Variants in DNAI2 observed in about 807,000 individuals in gnomAD.
DNAI2 encodes the protein dynein, axonemal, intermediate polypeptide 2.
In DNAI2, 63 loss-of-function variants were observed where a neutral mutation model predicts 74.7. The ratio of observed to expected loss-of-function variants is 0.84; its 90% CI spans 0.69 to 1.04. The LOEUF (loss-of-function observed/expected upper bound fraction) is 1.04, where lower values mean the gene tolerates loss of function less well. Among genes scored for constraint, DNAI2 ranks in the 50% least tolerant of loss-of-function variants. DNAI2 has a pLI of 0.00. For missense variants in DNAI2, 688 were observed against 803.2 expected, an observed-to-expected ratio of 0.86 and a Z score of 1.73; for synonymous variants, 289 against 314.9, an observed-to-expected ratio of 0.92 and a Z score of 0.87.
intron 10 of DNAI2, chr17:74,309,724 G>T (rs976467995): frequency 3.2e-6 from 2 of 632,508 alleles, no homozygotes; most frequent in Non-Finnish European, 2.8e-6. Flanking sequence ...TCCCCTTCAT[G>T]TCAGGGTGGC....
chr17:74,288,551 A>C (rs2051889318), intron 4 of DNAI2, among the ~76,000 whole-genome samples: 1 of 152,184 alleles, frequency 6.6e-6, no homozygotes, highest in African/African-American at 2.4e-5. Context: ...TGATAGAATC[A>C]ATTTCTGTTG....
At chr17:74,303,816 TA>T (rs967405851) in intron 8 of DNAI2, among the ~76,000 whole-genome samples, 3 of 152,012 alleles carry the variant, frequency 2.0e-5, no homozygotes, top group African/African-American at 7.2e-5. Flanking sequence ...ATATGTTTTT[TA>T]AAAAAATAAA....
chr17:74,286,793 A>G (rs2051772486), intron 3 of DNAI2, among the ~76,000 whole-genome samples, 184 bp from the exon 4 acceptor site: 2 of 152,142 alleles, frequency 1.3e-5, no homozygotes, highest in Non-Finnish European at 2.9e-5. Context: ...CATGCTTTGT[A>G]CCTAAAAAGC....
chr17:74,309,593 C>A (rs1008031525), intron 10 of DNAI2: 3 of 756,732 alleles, frequency 4.0e-6, no homozygotes, highest in Non-Finnish European at 6.9e-6. Flanking sequence ...GGGGATTTGG[C>A]ATCCTGGTAG....
rs1315579918 is a variant in DNAI2, at chr17:74,301,074, G to A, written c.893G>A (p.Ser298Asn). 6.2e-7 allele frequency: 1 copy of A among 1,614,078 alleles called. No homozygotes were observed. Reference sequence around the variant, plus strand: ...ATGTGGTGGGACATCCGAAAGATGAGCGAGCCCACTGAAGTTGTGATCTTG... The same window carrying A: ...ATGTGGTGGGACATCCGAAAGATGAACGAGCCCACTGAAGTTGTGATCTTG... ...QVMWWDIRKM[S>N]EPTEVVILDI... is the part of the protein sequence containing the mutation. The change falls in exon 8 of 14, where the codon AGC becomes AAC. Residue 298 changes from serine to asparagine, a missense_variant. By Grantham distance (46) the Ser-to-Asn change is conservative. Transcript: ENST00000311014.
intron 3 of DNAI2, among the ~76,000 whole-genome samples, chr17:74,285,482 A>C (rs2051663755): frequency 6.6e-6 from 1 of 152,188 alleles, no homozygotes; most frequent in Non-Finnish European, 1.5e-5. Flanking sequence ...CCCAGCAGCC[A>C]ATAGGGATCA....
chr17:74,285,931 G>A (rs2051693431), intron 3 of DNAI2, among the ~76,000 whole-genome samples: 1 of 149,008 alleles, frequency 6.7e-6, no homozygotes, highest in Non-Finnish European at 1.5e-5. Flanking sequence ...CAGGAAGAAG[G>A]AGATGAGTGC....
intron 9 of DNAI2, 97 bp from the exon 10 acceptor site, chr17:74,309,156 G>A (rs1417944054): frequency 1.5e-6 from 2 of 1,376,730 alleles, no homozygotes; most frequent in Non-Finnish European, 2.0e-6. Context: ...TACCTAGCAA[G>A]ACTCTGAGAT....
intron 1 of DNAI2, among the ~76,000 whole-genome samples, chr17:74,276,940 G>A (rs1012176745): frequency 1.1e-4 from 17 of 152,154 alleles, no homozygotes; most frequent in African/African-American, 4.1e-4. Flanking sequence ...AGGATGCCAC[G>A]GGATTTGCAT....
rs765830821 is a variant in DNAI2, at chr17:74,300,757, T to C, written c.865-289T>C. On this transcript the variant is annotated intron_variant, in intron 7 of 13. Coordinates refer to ENST00000311014, the MANE Select transcript of DNAI2 (RefSeq NM_023036.6). The surrounding 1 kb of genome is among the most constrained non-coding windows in gnomAD (Gnocchi z 4.5). Reference sequence around the variant, plus strand: ...TGCCTTATTGTGGGGAGTCTTGGCATATACCGATTCTTGGCCTTGCACCTG... The same window carrying C: ...TGCCTTATTGTGGGGAGTCTTGGCACATACCGATTCTTGGCCTTGCACCTG... 2.6e-4 allele frequency among the ~76,000 whole-genome samples: 40 copies of C among 152,316 alleles called. No individual in the cohort carries two copies. Among genetic ancestry groups the C allele is most frequent in the Non-Finnish European group, 5.0e-4 (34 of 68,022 alleles).
chr17:74,280,691 T>A (rs2051339718), intron 1 of DNAI2, among the ~76,000 whole-genome samples: 1 of 152,128 alleles, frequency 6.6e-6, no homozygotes, highest in Admixed American at 6.6e-5. Context: ...GGGTCTCAAA[T>A]CTGTGTCCTG....
chr17:74,277,214 C>A (rs1384492720), intron 1 of DNAI2, among the ~76,000 whole-genome samples: 2 of 152,056 alleles, frequency 1.3e-5, no homozygotes, highest in African/African-American at 4.8e-5. Context: ...TGCTGAAACC[C>A]TGTCTCTACT....
intron 6 of DNAI2, among the ~76,000 whole-genome samples, chr17:74,295,988 G>A (rs35429929): frequency 0.21 from 32,621 of 152,008 alleles, 3,895 homozygotes; most frequent in Non-Finnish European, 0.27. Context: ...CTTAGTGTCT[G>A]TGCAGAGATG....
At chr17:74,292,195 T>G (rs2052152165) in intron 6 of DNAI2, among the ~76,000 whole-genome samples, 1 of 152,206 alleles carries the variant, frequency 6.6e-6, no homozygotes, top group Non-Finnish European at 1.5e-5. Context: ...TTGGTAGAAC[T>G]CATCAGTGAA....
At chr17:74,287,761 C>T (rs572936195) in intron 4 of DNAI2, among the ~76,000 whole-genome samples, 30 of 152,306 alleles carry the variant, frequency 2.0e-4, no homozygotes, top group Non-Finnish European at 3.8e-4. Context: ...TCAAGACTAG[C>T]CTGGCCAACA....
chr17:74,314,535 G>A (rs772452083), intron 13 of DNAI2, 54 bp from the exon 14 acceptor site: 2 of 362,022 alleles, frequency 5.5e-6, no homozygotes, highest in Non-Finnish European at 5.4e-6. Context: ...ATGTCTCCTG[G>A]GATTCAGCTT....
At chr17:74,298,028 C>T (rs549006196) in intron 6 of DNAI2, among the ~76,000 whole-genome samples, 154 of 152,300 alleles carry the variant, frequency 1.0e-3, no homozygotes, top group Non-Finnish European at 1.8e-3. Context: ...GGAATAGACC[C>T]GGGCTCCCAT....
rs2143942224 is a variant in DNAI2 at position 74,289,796 on chromosome 17, G to A, written c.610+60G>A. 9 of 1,607,608 alleles carry A rather than the reference G, an allele frequency of 5.6e-6. No homozygotes were observed. The East Asian group carries it at 1.8e-4, about 32-fold the overall frequency. On this transcript the variant is annotated intron_variant, in intron 5 of 13. Transcript: ENST00000311014. ...GCTGAGGGCTGGGACCAGCACAAGT[G>A]GAGGAGCGGGAGGGAGGGGCAGGAG...
At chr17:74,310,320 T>C (rs1300488826) in intron 11 of DNAI2, among the ~76,000 whole-genome samples, 157 bp downstream of exon 11, 2 of 132,214 alleles carry the variant, frequency 1.5e-5, no homozygotes, top group East Asian at 2.3e-4. Flanking sequence ...TAAATAGGTG[T>C]TGGTGTGTCC....
Sources: gnomAD v4.1 joint callset for allele counts (sites outside exome capture counted in the v4.1 genomes callset) on GRCh38, gnomAD v4.1.1 for gene constraint, Gnocchi (gnomAD v3.1) non-coding constraint, MANE v1.5 for transcripts, NCBI Gene and HGNC (gene_info 2026-07-23, HGNC 2026-07-21) for gene names.